The following ACCSL variants were observed in gnomAD, a reference collection of about 807,000 sequenced individuals.
ACCSL encodes the protein probable inactive 1-aminocyclopropane-1-carboxylate synthase-like protein 2.
ACCSL carries 55 observed loss-of-function variants against 61.7 expected under a neutral mutation model. That is an observed-to-expected ratio of 0.89 (90% CI 0.72 to 1.12). ACCSL has a LOEUF of 1.12. Ranked by LOEUF, ACCSL falls within the 50% of genes most tolerant of loss-of-function variation. ACCSL has a pLI of 0.00. For synonymous variants in ACCSL, 258 were observed against 264.3 expected (o/e 0.98, Z 0.23); for missense variants, 632 against 698.0 (o/e 0.91, Z 1.07).
the ACCSL span, among the ~76,000 whole-genome samples, chr11:44,010,143 C>T: frequency 6.6e-6 from 1 of 152,142 alleles, no homozygotes; most frequent in Non-Finnish European, 1.5e-5. Context: ...GAGTTTGAGA[C>T]CAGCCTGACC....
chr11:43,957,917 C>T, the ACCSL span, among the ~76,000 whole-genome samples: 2 of 152,184 alleles, frequency 1.3e-5, no homozygotes, highest in Admixed American at 1.3e-4. Context: ...GCGGGGGGTC[C>T]AGTGGAAACT....
At chr11:43,933,442 C>A in the ACCSL span, 1 of 238,834 alleles carries the variant, frequency 4.2e-6, no homozygotes, top group African/African-American at 2.2e-5. Flanking sequence ...TTGTTCCCTC[C>A]CCTCTCTGGT....
chr11:44,013,835 TG>T, the ACCSL span, among the ~76,000 whole-genome samples: 1 of 152,142 alleles, frequency 6.6e-6, no homozygotes, highest in Non-Finnish European at 1.5e-5. Context: ...AAGTAGCATT[TG>T]GGGCTGTGCG....
chr11:44,003,724 G>A, the ACCSL span, among the ~76,000 whole-genome samples: 2 of 151,740 alleles, frequency 1.3e-5, no homozygotes, highest in South Asian at 2.1e-4. Flanking sequence ...CTATACAACC[G>A]AAATTCTATC....
the ACCSL span, among the ~76,000 whole-genome samples, chr11:43,941,289 C>T: frequency 6.6e-6 from 1 of 152,238 alleles, no homozygotes; most frequent in Non-Finnish European, 1.5e-5. Flanking sequence ...TGTGTATCAT[C>T]TGTCTCTCCC....
the ACCSL span, among the ~76,000 whole-genome samples, chr11:43,954,734 G>A: frequency 5.9e-5 from 9 of 151,992 alleles, no homozygotes; most frequent in Admixed American, 1.3e-4. Flanking sequence ...ACAGGCATGC[G>A]CCACCACACC....
chr11:43,943,045 G>A, the ACCSL span: 2 of 1,497,582 alleles, frequency 1.3e-6, no homozygotes, highest in African/African-American at 1.4e-5. This position sits in a 1 kb window ranked among gnomAD's most constrained non-coding sequence, Gnocchi z 4.8. Context: ...GGCTGCGGCG[G>A]CCGCGCCAGT....
chr11:44,050,204 G>A, intron 2 of ACCSL, 83 bp downstream of exon 2: 1 of 1,160,888 alleles, frequency 8.6e-7, no homozygotes, highest in Non-Finnish European at 1.3e-6. Flanking sequence ...GGTAGATACA[G>A]GGGTGAGACA....
chr11:44,019,071 C>G, the ACCSL span, among the ~76,000 whole-genome samples: 2 of 152,108 alleles, frequency 1.3e-5, no homozygotes, highest in Admixed American at 6.5e-5. Flanking sequence ...TCTTTTGTGG[C>G]TGGTTTTTCT....
At chr11:44,051,848 C>A in intron 5 of ACCSL, 129 bp downstream of exon 5, 1 of 1,020,114 alleles carries the variant, frequency 9.8e-7, no homozygotes, top group Non-Finnish European at 1.5e-6. Flanking sequence ...GGTGGGCCTT[C>A]TCCCACACTG....
the ACCSL span, among the ~76,000 whole-genome samples, chr11:43,986,444 G>A: frequency 1.3e-5 from 2 of 152,078 alleles, no homozygotes; most frequent in Admixed American, 6.6e-5. Context: ...TGCTGGTCAC[G>A]AAGCCCTGGG....
chr11:43,950,535 T>A, the ACCSL span, among the ~76,000 whole-genome samples: 2 of 152,222 alleles, frequency 1.3e-5, no homozygotes, highest in Non-Finnish European at 2.9e-5. Flanking sequence ...ATTTTTCCCT[T>A]CCTCCAGGGC....
the ACCSL span, among the ~76,000 whole-genome samples, chr11:43,974,354 A>G: frequency 6.6e-6 from 1 of 152,116 alleles, no homozygotes; most frequent in African/African-American, 2.4e-5. Context: ...GCCTGTACAC[A>G]TATCACTCTT....
chr11:44,030,265 G>T, the ACCSL span, among the ~76,000 whole-genome samples: 1,267 of 150,670 alleles, frequency 8.4e-3, 8 homozygotes, highest in Non-Finnish European at 0.014. Flanking sequence ...GAGGAGTCTT[G>T]ACCCATTTCT....
chr11:44,005,328 G>T, the ACCSL span, among the ~76,000 whole-genome samples: 1 of 152,098 alleles, frequency 6.6e-6, no homozygotes, highest in Admixed American at 6.6e-5. Context: ...TGGGCTGCAC[G>T]TGCAGGCTTC....
the ACCSL span, among the ~76,000 whole-genome samples, chr11:44,018,446 C>T: frequency 6.6e-6 from 1 of 152,184 alleles, no homozygotes; most frequent in Admixed American, 6.5e-5. Flanking sequence ...ATAGTTGGTG[C>T]TCAGTCAGGG....
the ACCSL span, among the ~76,000 whole-genome samples, chr11:43,984,421 C>T: frequency 2.6e-5 from 4 of 152,130 alleles, no homozygotes; most frequent in Non-Finnish European, 5.9e-5. Context: ...TATTTGCTGG[C>T]CTAGGGAGAG....
the ACCSL span, among the ~76,000 whole-genome samples, chr11:43,957,810 G>A: frequency 2.6e-5 from 4 of 152,266 alleles, no homozygotes; most frequent in Non-Finnish European, 5.9e-5. Context: ...GCTCCAAAGG[G>A]AGGGGGTGTA....
At chr11:44,000,355 C>A in the ACCSL span, among the ~76,000 whole-genome samples, 1 of 152,024 alleles carries the variant, frequency 6.6e-6, no homozygotes, top group Non-Finnish European at 1.5e-5. Context: ...GAACTCCTGA[C>A]CTCAGGTGAT....
Sources: allele counts gnomAD v4.1 joint callset (sites outside exome capture counted in the v4.1 genomes callset), GRCh38; gene constraint gnomAD v4.1.1; non-coding constraint Gnocchi (gnomAD v3.1); transcripts MANE v1.5; gene names NCBI Gene and HGNC (gene_info 2026-07-23, HGNC 2026-07-21).